Variants in PEBP4 observed in about 807,000 individuals in gnomAD.
The protein encoded by PEBP4 is phosphatidylethanolamine-binding protein 4.
Under a neutral mutation model 23.9 loss-of-function variants are expected in PEBP4, and 22 were observed. That is an observed-to-expected ratio of 0.92 (90% CI 0.66 to 1.31). PEBP4 has a LOEUF of 1.31. Among genes scored for constraint, PEBP4 ranks in the 40% most tolerant of loss-of-function variants. The probability of loss-of-function intolerance (pLI) is 0.00; values close to 1 mark genes in which losing one functional copy is unlikely to be tolerated. For synonymous variants in PEBP4, 112 were observed against 99.3 expected, an observed-to-expected ratio of 1.13 and a Z score of -0.76; for missense variants, 324 against 281.7, an observed-to-expected ratio of 1.15 and a Z score of -1.07.
Position 22,863,048 on chromosome 8 carries a change from C to T in PEBP4, c.259-45313G>A, listed in dbSNP as rs538843485. On this transcript the variant is annotated intron_variant, in intron 3 of 6. Coordinates refer to ENST00000256404, the MANE Select transcript of PEBP4 (RefSeq NM_144962.3). ...AGCTCCTGACCTCGTGATCTGCCTG[C>T]CTCGGCCTCCCAAAGTGCTGGGATT... 2.0e-5 allele frequency among the ~76,000 whole-genome samples: 3 copies of T among 152,220 alleles called. No individual in the cohort carries two copies. In the East Asian group the frequency reaches 5.8e-4, roughly 29 times the overall value.
intron 6 of PEBP4, among the ~76,000 whole-genome samples, chr8:22,717,061 C>T (rs1011714030): frequency 1.3e-5 from 2 of 152,228 alleles, no homozygotes; most frequent in Admixed American, 6.5e-5. Flanking sequence ...GGATTCCCTT[C>T]GGCAGGACCA....
At chr8:22,846,501 C>A (rs999980480) in intron 3 of PEBP4, among the ~76,000 whole-genome samples, 7 of 152,198 alleles carry the variant, frequency 4.6e-5, no homozygotes, top group African/African-American at 7.2e-5. Context: ...CTAAACCTAC[C>A]TTTTCACTTG....
In PEBP4 at chr8:22,904,026, T is replaced by G. The variant is rs371033833; in HGVS notation, c.258+16158A>C. Among the ~76,000 whole-genome samples the G allele has an allele frequency of 6.2e-4, 94 of 152,318 alleles. 2 individuals carry two copies. The South Asian group carries it at 0.015, about 24-fold the overall frequency. On this transcript the variant is annotated intron_variant, in intron 3 of 6. Coordinates refer to ENST00000256404, the MANE Select transcript of PEBP4 (RefSeq NM_144962.3). ...TTGTTCATCATCACAAAAAGAAAACTAAAGCTGCTTGCCCTGCCTCCTGCC... is the reference window on the plus strand; with the variant it reads ...TTGTTCATCATCACAAAAAGAAAACGAAAGCTGCTTGCCCTGCCTCCTGCC...
At chr8:22,830,302 G>C (rs112168926) in intron 3 of PEBP4, among the ~76,000 whole-genome samples, 1 of 150,704 alleles carries the variant, frequency 6.6e-6, no homozygotes, top group Non-Finnish European at 1.5e-5. Context: ...GCTAATTTTT[G>C]TGTGTGTGTG....
chr8:22,722,991 C>T (rs1018859826), intron 6 of PEBP4, among the ~76,000 whole-genome samples: 1 of 151,196 alleles, frequency 6.6e-6, no homozygotes, highest in African/African-American at 2.4e-5. Flanking sequence ...CCATGTTAGC[C>T]AGGATGGTCT....
At chr8:22,763,058 G>T (rs991071893) in intron 4 of PEBP4, among the ~76,000 whole-genome samples, 1 of 151,862 alleles carries the variant, frequency 6.6e-6, no homozygotes, top group Non-Finnish European at 1.5e-5. Flanking sequence ...AGGCTGGAGC[G>T]CAGTAGCATG....
At chr8:22,848,375 C>T (rs942362245) in intron 3 of PEBP4, among the ~76,000 whole-genome samples, 1 of 151,846 alleles carries the variant, frequency 6.6e-6, no homozygotes, top group Non-Finnish European at 1.5e-5. Context: ...ATGGGGCGAG[C>T]AGGGTGGTGG....
chr8:22,875,234 CCTCT>C (rs1243153149), intron 3 of PEBP4, among the ~76,000 whole-genome samples: 13 of 151,980 alleles, frequency 8.6e-5, no homozygotes, highest in African/African-American at 2.4e-5. Flanking sequence ...CTCACTCCTT[CCTCT>C]CTCTAATCTT....
chr8:22,820,263 A>G (rs1228494014), intron 3 of PEBP4, among the ~76,000 whole-genome samples: 15 of 152,208 alleles, frequency 9.9e-5, no homozygotes, highest in Non-Finnish European at 2.1e-4. Context: ...TGAGAAAATG[A>G]ATATACCATA....
rs1398687805 is a variant in PEBP4, at chr8:22,724,763, A to G, written c.517+80T>C. ...CTCATGAGTGGGGGTCAAGGCCCCA[A>G]TTTCCCCGTAAATGCCTGAAGCGTT... is the stretch of plus-strand genomic sequence containing the variant. On this transcript the variant is annotated intron_variant, in intron 6 of 6. Transcript: ENST00000256404. 8 of 1,136,636 alleles carry G rather than the reference A, an allele frequency of 7.0e-6. No individual in the cohort carries two copies. The East Asian group carries it at 7.3e-5, about 10-fold the overall frequency. 70.4% of individuals were successfully genotyped at this position (1,136,636 alleles called of 1,614,324 possible).
At chr8:22,919,290 T>C (rs1211095079) in intron 3 of PEBP4, among the ~76,000 whole-genome samples, 2 of 152,162 alleles carry the variant, frequency 1.3e-5, no homozygotes, top group Non-Finnish European at 2.9e-5. Context: ...GTGTGTGTGC[T>C]TGGTCACATC....
intron 4 of PEBP4, among the ~76,000 whole-genome samples, chr8:22,809,535 G>A (rs1333778951): frequency 4.6e-5 from 7 of 152,146 alleles, no homozygotes; most frequent in East Asian, 1.9e-4. Flanking sequence ...GAGTAGGCAC[G>A]TAGGTTTTGG....
chr8:22,915,988 T>G (rs183339660), intron 3 of PEBP4, among the ~76,000 whole-genome samples: 1 of 152,266 alleles, frequency 6.6e-6, no homozygotes, highest in Non-Finnish European at 1.5e-5. Context: ...GGCGAGAAGG[T>G]GCTCCCTGGG....
At chr8:22,867,070 C>T (rs1220881411) in intron 3 of PEBP4, among the ~76,000 whole-genome samples, 1 of 152,176 alleles carries the variant, frequency 6.6e-6, no homozygotes, top group Non-Finnish European at 1.5e-5. Context: ...GGCCTCAAAT[C>T]ACATTTCTGG....
At chr8:22,721,493 A>T (rs945880183) in intron 6 of PEBP4, among the ~76,000 whole-genome samples, 1 of 152,102 alleles carries the variant, frequency 6.6e-6, no homozygotes, top group African/African-American at 2.4e-5. Context: ...TACTAGAATC[A>T]TCTCAAGCCT....
intron 4 of PEBP4, among the ~76,000 whole-genome samples, chr8:22,743,939 C>A (rs1184113020): frequency 6.6e-6 from 1 of 152,176 alleles, no homozygotes; most frequent in Non-Finnish European, 1.5e-5. Context: ...CACTCGGGGA[C>A]CAGCCAAGCC....
At position 22,886,724 on chromosome 8, in the gene PEBP4, A is replaced by G. The variant is rs560607447; in HGVS notation, c.258+33460T>C. 2.0e-5 allele frequency: 3 copies of G among 152,552 alleles called. No homozygotes were observed. In the South Asian group the frequency reaches 6.2e-4, roughly 32 times the overall value. 9.4% of individuals were successfully genotyped at this position (152,552 alleles called of 1,614,324 possible). A position where few individuals can be genotyped will look rare whatever the true frequency, so the allele number is the denominator to read the frequency against. ...TGCCCCGACTCCTCACACAGCAGCAACAGGGACAGTGACAGGGACCTGAGA... is the reference window on the plus strand; with the variant it reads ...TGCCCCGACTCCTCACACAGCAGCAGCAGGGACAGTGACAGGGACCTGAGA... On this transcript the variant is annotated intron_variant, in intron 3 of 6. Transcript: ENST00000256404.
intron 3 of PEBP4, chr8:22,880,435 T>C (rs1324146903): frequency 6.6e-6 from 1 of 152,200 alleles, no homozygotes; most frequent in Non-Finnish European, 1.5e-5. Context: ...CCTGGGGTTT[T>C]AAAGGAAAAA....
At chr8:22,821,391 G>T (rs1198415015) in intron 3 of PEBP4, among the ~76,000 whole-genome samples, 1 of 152,180 alleles carries the variant, frequency 6.6e-6, no homozygotes, top group Non-Finnish European at 1.5e-5. Context: ...TGAGGTGACC[G>T]GGTAGGGCAG....
Sources: allele counts gnomAD v4.1 joint callset (sites outside exome capture counted in the v4.1 genomes callset), GRCh38; gene constraint gnomAD v4.1.1; transcripts MANE v1.5; gene names NCBI Gene and HGNC (gene_info 2026-07-23, HGNC 2026-07-21).